PTPRD: variants seen among roughly 807,000 people sequenced by gnomAD.
PTPRD encodes receptor-type tyrosine-protein phosphatase delta.
In PTPRD, 34 loss-of-function variants were observed where a neutral mutation model predicts 214.5. The observed-to-expected ratio is 0.16, with a 90% CI of 0.12 to 0.21. The LOEUF (loss-of-function observed/expected upper bound fraction) is 0.21, where lower values mean the gene tolerates loss of function less well. Ranked by LOEUF, PTPRD falls within the 10% of genes least tolerant of loss-of-function variation. PTPRD has a pLI of 1.00. For synonymous variants in PTPRD, 1,128 were observed against 845.7 expected (o/e 1.33, Z -5.79); for missense variants, 2,545 against 2,398.7 (o/e 1.06, Z -1.27).
chr9:9,864,393 G>A (rs180852306), intron 5 of PTPRD, among the ~76,000 whole-genome samples: 2 of 152,170 alleles, frequency 1.3e-5, no homozygotes, highest in East Asian at 3.9e-4. Context: ...TGGGAATAGA[G>A]GTCTAGAACT....
intron 36 of PTPRD, among the ~76,000 whole-genome samples, chr9:8,398,443 A>C: frequency 6.6e-6 from 1 of 152,290 alleles, no homozygotes; most frequent in Non-Finnish European, 1.5e-5. Flanking sequence ...AAAGAGATGA[A>C]GTGAATAAAT....
At chr9:8,864,390 T>A (rs1020036805) in intron 11 of PTPRD, among the ~76,000 whole-genome samples, 1 of 152,176 alleles carries the variant, frequency 6.6e-6, no homozygotes, top group Non-Finnish European at 1.5e-5. Context: ...GTGCTGAATC[T>A]CCTTAATGAA....
chr9:10,281,650 A>T (rs2095119380), intron 3 of PTPRD, among the ~76,000 whole-genome samples: 1 of 152,194 alleles, frequency 6.6e-6, no homozygotes, highest in African/African-American at 2.4e-5. Context: ...CTAGTAATAG[A>T]CCATACATAT....
At chr9:8,515,420 C>A (rs2097766225) in intron 21 of PTPRD, among the ~76,000 whole-genome samples, 1 of 151,818 alleles carries the variant, frequency 6.6e-6, no homozygotes, top group African/African-American at 2.4e-5. Context: ...TAATCTATAC[C>A]CTGTTATGAA....
chr9:8,454,734 C>A lies in PTPRD; in HGVS notation c.3876-4897G>T, dbSNP rs146220231. 332 of 856,498 alleles carry A rather than the reference C, an allele frequency of 3.9e-4. 2 individuals are homozygous for A. The African/African-American group carries it at 5.1e-3, about 13-fold the overall frequency. The allele number at this position is 856,498 out of a possible 1,614,324, so 53.1% of individuals were successfully genotyped here. On this transcript the variant is annotated intron_variant, in intron 33 of 45. Coordinates refer to ENST00000381196, the MANE Select transcript of PTPRD (RefSeq NM_002839.4). ...CACATAACTGACATACATTCAGAAG[C>A]GACAGCGAATCAAAATATTTATAGA...
At chr9:8,819,206 C>T (rs2096988435) in intron 11 of PTPRD, among the ~76,000 whole-genome samples, 1 of 152,036 alleles carries the variant, frequency 6.6e-6, no homozygotes, top group Non-Finnish European at 1.5e-5. Flanking sequence ...TAAGTGGAAA[C>T]AATTACTATT....
chr9:9,767,066 C>T (rs982923713), intron 5 of PTPRD, among the ~76,000 whole-genome samples: 1 of 151,380 alleles, frequency 6.6e-6, no homozygotes, highest in Non-Finnish European at 1.5e-5. Context: ...CTCTGTAATA[C>T]TTCATAATTT....
rs908857618 is a variant in PTPRD, at chr9:8,713,738, A to G, written c.64+20042T>C. ...AGCAAGTGACGCCGGCAGGCTGTCA[A>G]GCAGTTCCACGACTGCAAGATCAAG... On this transcript the variant is annotated intron_variant, in intron 12 of 45. Coordinates refer to ENST00000381196, the MANE Select transcript of PTPRD (RefSeq NM_002839.4). The G allele has an allele frequency of 7.2e-5, 108 of 1,506,888 alleles. 1 individual carries two copies. Among genetic ancestry groups the G allele is most frequent in the Middle Eastern group, 4.7e-4 (2 of 4,284 alleles). 93.3% of individuals were successfully genotyped at this position (1,506,888 alleles called of 1,614,324 possible).
chr9:10,456,744 T>A (rs549140212), intron 2 of PTPRD, among the ~76,000 whole-genome samples: 1 of 152,060 alleles, frequency 6.6e-6, no homozygotes, highest in South Asian at 2.1e-4. Context: ...GGAAACACAT[T>A]TGTAGTCTAT....
At chr9:9,370,702 G>T (rs1252717360) in intron 9 of PTPRD, among the ~76,000 whole-genome samples, 1 of 142,348 alleles carries the variant, frequency 7.0e-6, no homozygotes, top group Non-Finnish European at 1.5e-5. Context: ...TTTTCAAAGG[G>T]AATGCTTCCA....
chr9:9,617,935 G>A (rs2094984308), intron 7 of PTPRD, among the ~76,000 whole-genome samples: 1 of 151,434 alleles, frequency 6.6e-6, no homozygotes, highest in Non-Finnish European at 1.5e-5. Context: ...AGCCGGGCAT[G>A]GTGGCGGGCG....
intron 5 of PTPRD, among the ~76,000 whole-genome samples, chr9:9,868,791 A>G (rs1219164556): frequency 6.6e-6 from 1 of 151,808 alleles, no homozygotes; most frequent in Non-Finnish European, 1.5e-5. Flanking sequence ...CTTATAAACA[A>G]TAAAGAATTT....
chr9:9,833,688 G>GT lies in PTPRD; in HGVS notation c.-367-66838_-367-66837insA, dbSNP rs2055772910. Among the ~76,000 whole-genome samples, 7 of 149,218 alleles carry GT rather than the reference G, an allele frequency of 4.7e-5. 1 individual carries two copies. The highest frequency in any genetic ancestry group is 2.0e-4 in the Admixed American group (3 of 14,840). ...GAGACAGGTACGCTCCGGAGAGGGG[G>GT]GCAGTTCAGAGACCTACCCCTAGGT... On this transcript the variant is annotated intron_variant, in intron 5 of 45. Coordinates refer to ENST00000381196, the MANE Select transcript of PTPRD (RefSeq NM_002839.4).
chr9:9,130,583 C>G (rs1427865691), intron 10 of PTPRD, among the ~76,000 whole-genome samples: 1 of 152,114 alleles, frequency 6.6e-6, no homozygotes, highest in East Asian at 1.9e-4. Context: ...TTTATATATT[C>G]TCTTTCATCT....
chr9:10,332,012 A>G (rs1022967332), intron 3 of PTPRD, among the ~76,000 whole-genome samples: 1 of 151,874 alleles, frequency 6.6e-6, no homozygotes, highest in Non-Finnish European at 1.5e-5. Flanking sequence ...ACTAGCAGCA[A>G]TAAGACATGC....
chr9:9,449,689 A>T (rs548779761), intron 8 of PTPRD, among the ~76,000 whole-genome samples: 1 of 152,016 alleles, frequency 6.6e-6, no homozygotes, highest in South Asian at 2.1e-4. Context: ...TGATTTTTGG[A>T]TGTGTATTCA....
chr9:9,505,152 T>C (rs2096540442), intron 8 of PTPRD, among the ~76,000 whole-genome samples: 2 of 151,624 alleles, frequency 1.3e-5, no homozygotes, highest in Non-Finnish European at 3.0e-5. Context: ...GTATTTCCCC[T>C]AATAAATCAT....
At chr9:9,265,005 T>C (rs1020735981) in intron 9 of PTPRD, among the ~76,000 whole-genome samples, 1 of 151,610 alleles carries the variant, frequency 6.6e-6, no homozygotes. Context: ...AGGGTGTTCA[T>C]CGCAACTAGA....
At chr9:10,358,614 A>G (rs551069531) in intron 2 of PTPRD, among the ~76,000 whole-genome samples, 210 of 152,092 alleles carry the variant, frequency 1.4e-3, no homozygotes, top group Non-Finnish European at 2.1e-3. Context: ...TTAGAGTTAG[A>G]AAAAGATATC....
Sources: allele counts gnomAD v4.1 joint callset (sites outside exome capture counted in the v4.1 genomes callset), GRCh38; gene constraint gnomAD v4.1.1; transcripts MANE v1.5; gene names NCBI Gene and HGNC (gene_info 2026-07-23, HGNC 2026-07-21).